HIVEP3: variants seen among roughly 807,000 people sequenced by gnomAD.
HIVEP3 encodes the protein HIVEP zinc finger 3, also known as transcription factor HIVEP3.
HIVEP3 carries 49 observed loss-of-function variants against 152.8 expected under a neutral mutation model. The ratio of observed to expected loss-of-function variants is 0.32; its 90% CI spans 0.26 to 0.41. The LOEUF is 0.41. Ranked by LOEUF, HIVEP3 falls within the 10% of genes least tolerant of loss-of-function variation. The pLI, the probability that HIVEP3 is intolerant of heterozygous loss-of-function variation, is 1.00. For missense variants in HIVEP3, 2,790 were observed against 3,103.3 expected, an observed-to-expected ratio of 0.90 and a Z score of 2.40; for synonymous variants, 1,269 against 1,289.0, an observed-to-expected ratio of 0.98 and a Z score of 0.33.
intron 1 of HIVEP3, among the ~76,000 whole-genome samples, chr1:41,949,862 A>T (rs1322174147): frequency 6.6e-6 from 1 of 152,176 alleles, no homozygotes; most frequent in Non-Finnish European, 1.5e-5. Flanking sequence ...TGTTGATGAC[A>T]TTGAAGGCAC....
chr1:42,006,921 TGA>T (rs1645463096), intron 1 of HIVEP3, among the ~76,000 whole-genome samples: 2 of 152,152 alleles, frequency 1.3e-5, no homozygotes, highest in Admixed American at 1.3e-4. Flanking sequence ...AAACTGAGAC[TGA>T]GAGAGAGGAA....
intron 1 of HIVEP3, among the ~76,000 whole-genome samples, chr1:41,981,449 G>T (rs1645293182): frequency 6.6e-6 from 1 of 151,808 alleles, no homozygotes; most frequent in South Asian, 2.1e-4. Context: ...TGGTGGGGAG[G>T]CTCAGGGTGT....
intron 1 of HIVEP3, among the ~76,000 whole-genome samples, chr1:41,929,273 C>G (rs1379989991): frequency 6.6e-6 from 1 of 152,168 alleles, no homozygotes; most frequent in Non-Finnish European, 1.5e-5. Flanking sequence ...AAAACAGACT[C>G]ATGGATAGTT....
Position 41,583,413 on chromosome 1 carries a change from A to G in HIVEP3, c.1385T>C (p.Ile462Thr). Reference sequence around the variant, plus strand: ...GGTGATGAGCTTCGTGATGTGCTCGATCACCTGCGTCCGGGGTACAGACAA... The same window carrying G: ...GGTGATGAGCTTCGTGATGTGCTCGGTCACCTGCGTCCGGGGTACAGACAA... The part of the protein sequence containing the change: ...VPLSVPRTQV[I>T]EHITKLITIN... Residue 462 changes from isoleucine to threonine, a missense_variant, in exon 4 of 9, where the codon ATC becomes ACC. Transcript: ENST00000372583. This position sits in a 1 kb window ranked among gnomAD's most constrained non-coding sequence, Gnocchi z 6.9. 1.2e-6 allele frequency: 2 copies of G among 1,613,432 alleles called. No individual in the cohort carries two copies. The highest frequency in any genetic ancestry group is 1.7e-6 in the Non-Finnish European group (2 of 1,179,926).
At chr1:41,776,774 C>T (rs1318813392) in intron 1 of HIVEP3, among the ~76,000 whole-genome samples, 1 of 152,236 alleles carries the variant, frequency 6.6e-6, no homozygotes, top group Non-Finnish European at 1.5e-5. Context: ...AAAACAGGCA[C>T]TCTCTCTGCC....
chr1:41,816,349 C>G (rs1285407749), intron 1 of HIVEP3, among the ~76,000 whole-genome samples: 3 of 152,172 alleles, frequency 2.0e-5, no homozygotes, highest in African/African-American at 7.2e-5. Context: ...TCTCTTATTT[C>G]AGATCAAACC....
intron 1 of HIVEP3, among the ~76,000 whole-genome samples, chr1:41,718,499 C>T (rs1352369805): frequency 2.6e-5 from 4 of 152,200 alleles, no homozygotes; most frequent in Admixed American, 2.6e-4. Flanking sequence ...ATTAGTGAGA[C>T]TTCAATAACA....
chr1:41,510,811 C>A lies in HIVEP3; in HGVS notation c.6861G>T (p.Arg2287Ser). The change falls in exon 9 of 9, where the codon AGG becomes AGT. Residue 2287 changes from arginine to serine, a missense_variant. Transcript: ENST00000372583. ...TCCCATGGGGTGTCCAGTCAGGAGG[C>A]CTGCCCGGGCCTCCGCCGGTCCTCT... is the stretch of plus-strand genomic sequence containing the variant. The part of the protein sequence containing the change: ...ERERTGGGPG[R>S]PPDWTPHGTG... 1 of 1,612,164 alleles carries A rather than the reference C, an allele frequency of 6.2e-7. No individual in the cohort carries two copies. Among genetic ancestry groups the A allele is most frequent in the Non-Finnish European group, 8.5e-7 (1 of 1,179,596 alleles).
chr1:41,781,301 G>A (rs1649028512), intron 1 of HIVEP3, among the ~76,000 whole-genome samples: 1 of 152,158 alleles, frequency 6.6e-6, no homozygotes, highest in African/African-American at 2.4e-5. Flanking sequence ...CATGTTAGAA[G>A]CCTCAGAGTC....
At chr1:41,601,729 T>G (rs1443609099) in intron 3 of HIVEP3, among the ~76,000 whole-genome samples, 1 of 152,196 alleles carries the variant, frequency 6.6e-6, no homozygotes. Flanking sequence ...TCTTTAATTT[T>G]TTTTCTTGCC....
At chr1:41,749,404 TTG>T (rs3064239) in intron 1 of HIVEP3, among the ~76,000 whole-genome samples, 5 of 140,658 alleles carry the variant, frequency 3.6e-5, no homozygotes, top group African/African-American at 1.0e-4. Flanking sequence ...TTAGAAAAAA[TTG>T]TGTGTGTGTG....
At chr1:41,947,951 T>G (rs938199119) in intron 1 of HIVEP3, among the ~76,000 whole-genome samples, 1 of 152,248 alleles carries the variant, frequency 6.6e-6, no homozygotes, top group African/African-American at 2.4e-5. Flanking sequence ...TGCTTAAATA[T>G]CAGGCTCTAT....
At chr1:41,829,742 T>A (rs967861882) in intron 1 of HIVEP3, among the ~76,000 whole-genome samples, 47 of 151,844 alleles carry the variant, frequency 3.1e-4, no homozygotes, top group Non-Finnish European at 2.2e-4. Flanking sequence ...GAAGAGTCCA[T>A]ATAATTTTAG....
intron 5 of HIVEP3, among the ~76,000 whole-genome samples, chr1:41,528,256 C>A (rs182314082): frequency 1.7e-4 from 23 of 133,900 alleles, no homozygotes; most frequent in African/African-American, 4.0e-4. Context: ...ACCCTCACAC[C>A]CCTCCACCCT....
chr1:41,855,798 G>T (rs1041148231), intron 1 of HIVEP3, among the ~76,000 whole-genome samples: 2 of 152,232 alleles, frequency 1.3e-5, no homozygotes, highest in African/African-American at 4.8e-5. Context: ...AATGGGTGAA[G>T]CTGCTGGTTT....
At chr1:41,712,975 T>C (rs1257900623) in intron 1 of HIVEP3, among the ~76,000 whole-genome samples, 1 of 152,234 alleles carries the variant, frequency 6.6e-6, no homozygotes, top group Non-Finnish European at 1.5e-5. Context: ...CTCCCACCGA[T>C]GTGGAAGTCT....
In HIVEP3 at chr1:41,580,960, C is replaced by T. The variant is rs1644395870; in HGVS notation, c.3838G>A (p.Glu1280Lys). ...TGSAGLSPST[E>K]YSSDIRLPPV... The stretch of plus-strand genomic sequence containing the variant: ...GGTAGCCGGATGTCACTGCTGTACT[C>T]TGTGCTGGGGGAGAGGCCAGCACTT... The change falls in exon 4 of 9, where the codon GAG (glutamate) becomes AAG (lysine). Residue 1280 changes from glutamate (E) to lysine (K), a missense_variant. Glu to Lys is a moderately conservative substitution (Grantham distance 56). Transcript: ENST00000372583. The T allele has an allele frequency of 6.2e-7, 1 of 1,608,820 alleles. No individual in the cohort carries two copies. Among genetic ancestry groups the T allele is most frequent in the South Asian group, 1.1e-5 (1 of 89,942 alleles).
chr1:41,759,927 G>T lies in HIVEP3; in HGVS notation c.-800-58932C>A, dbSNP rs1647558048. Among the ~76,000 whole-genome samples the T allele has an allele frequency of 2.0e-5, 3 of 152,146 alleles. No individual in the cohort carries two copies. In the South Asian group the frequency reaches 6.2e-4, roughly 32 times the overall value. On this transcript the variant is annotated intron_variant, in intron 1 of 8. Transcript: ENST00000372583. ...GAGGTGCCATATTAGAGTAGTAGGG[G>T]GTAAGGGCTCTACCTGGCCCTATTG...
intron 1 of HIVEP3, among the ~76,000 whole-genome samples, chr1:41,949,087 C>T (rs1302603600): frequency 6.6e-6 from 1 of 152,078 alleles, no homozygotes; most frequent in African/African-American, 2.4e-5. Context: ...TCCTCCCACA[C>T]AAATAGTCTG....
Sources: allele counts gnomAD v4.1 joint callset (sites outside exome capture counted in the v4.1 genomes callset), GRCh38; gene constraint gnomAD v4.1.1; non-coding constraint Gnocchi (gnomAD v3.1); transcripts MANE v1.5; gene names NCBI Gene and HGNC (gene_info 2026-07-23, HGNC 2026-07-21).